The following FHIT variants were observed in gnomAD, a reference collection of about 807,000 sequenced individuals.
The protein encoded by FHIT is fragile histidine triad diadenosine triphosphatase, also known as bis(5'-adenosyl)-triphosphatase.
In FHIT, 19 loss-of-function variants were observed where a neutral mutation model predicts 17.9. The ratio of observed to expected loss-of-function variants is 1.06; its 90% CI spans 0.74 to 1.56. The LOEUF (loss-of-function observed/expected upper bound fraction) is 1.56, where lower values mean the gene tolerates loss of function less well. Ranked by LOEUF, FHIT falls within the 40% of genes most tolerant of loss-of-function variation. The pLI is 0.00. For missense variants in FHIT, 248 were observed against 189.2 expected, an observed-to-expected ratio of 1.31 and a Z score of -1.82; for synonymous variants, 81 against 69.7, an observed-to-expected ratio of 1.16 and a Z score of -0.81.
chr3:60,405,020 G>C (rs979881182), intron 5 of FHIT, among the ~76,000 whole-genome samples: 1 of 152,124 alleles, frequency 6.6e-6, no homozygotes, highest in Non-Finnish European at 1.5e-5. Context: ...TTCTCAAACT[G>C]GTGATTTTGT....
intron 1 of FHIT, among the ~76,000 whole-genome samples, chr3:61,240,217 T>C (rs2040340879): frequency 1.3e-5 from 2 of 152,278 alleles, no homozygotes; most frequent in South Asian, 4.1e-4. Flanking sequence ...ACCCAGCAAA[T>C]GGGATTTCAA....
chr3:60,702,356 T>C (rs879974390), intron 4 of FHIT, among the ~76,000 whole-genome samples: 4 of 152,272 alleles, frequency 2.6e-5, no homozygotes, highest in Middle Eastern at 3.4e-3. Flanking sequence ...TATTAACATA[T>C]CTATTTTATA....
At chr3:60,518,921 T>A (rs1457868809) in intron 5 of FHIT, among the ~76,000 whole-genome samples, 1 of 152,210 alleles carries the variant, frequency 6.6e-6, no homozygotes, top group Admixed American at 6.5e-5. Context: ...GAGAATTGCT[T>A]GAACCCAGGA....
intron 5 of FHIT, among the ~76,000 whole-genome samples, chr3:60,049,214 T>A (rs915909067): frequency 3.9e-5 from 6 of 152,208 alleles, no homozygotes; most frequent in Non-Finnish European, 7.3e-5. Flanking sequence ...CAAATTATGT[T>A]CTTCTTCTAT....
At chr3:59,929,927 A>G (rs1312601387) in intron 7 of FHIT, among the ~76,000 whole-genome samples, 4 of 151,342 alleles carry the variant, frequency 2.6e-5, no homozygotes, top group Non-Finnish European at 5.9e-5. Context: ...GAGTGCAAGT[A>G]GTTTATTTGG....
intron 8 of FHIT, among the ~76,000 whole-genome samples, chr3:59,776,486 C>T (rs1015622987): frequency 6.6e-6 from 1 of 152,134 alleles, no homozygotes. Flanking sequence ...AAGTAAGGGC[C>T]TGACTGGCTC....
chr3:60,215,582 A>C (rs767222707), intron 5 of FHIT, among the ~76,000 whole-genome samples: 16 of 152,146 alleles, frequency 1.1e-4, no homozygotes, highest in Non-Finnish European at 2.2e-4. Context: ...AATAAAATAA[A>C]ATAAAATGGC....
intron 8 of FHIT, among the ~76,000 whole-genome samples, chr3:59,774,893 T>C (rs189054641): frequency 1.8e-3 from 275 of 152,342 alleles, no homozygotes; most frequent in Non-Finnish European, 3.1e-3. Context: ...TTAACTTCTC[T>C]TGATACACCA....
chr3:60,006,137 G>A (rs802777), intron 7 of FHIT, among the ~76,000 whole-genome samples: 17,903 of 152,176 alleles, frequency 0.12, 1,391 homozygotes, highest in African/African-American at 0.22. Context: ...CGACTTACTC[G>A]TGATCATCTG....
intron 3 of FHIT, among the ~76,000 whole-genome samples, chr3:60,912,431 T>A (rs1292500345): frequency 6.6e-6 from 1 of 152,122 alleles, no homozygotes; most frequent in East Asian, 1.9e-4. Context: ...GGGGTTATTA[T>A]AGGGATTAAG....
intron 3 of FHIT, among the ~76,000 whole-genome samples, chr3:60,968,597 G>C (rs992215822): frequency 6.6e-6 from 1 of 152,078 alleles, no homozygotes; most frequent in Non-Finnish European, 1.5e-5. Context: ...ATTTTTATTA[G>C]AGACAGGATT....
chr3:59,847,076 A>T (rs1166150041), intron 8 of FHIT, among the ~76,000 whole-genome samples: 1 of 152,102 alleles, frequency 6.6e-6, no homozygotes, highest in African/African-American at 2.4e-5. Context: ...GGCTCACCCT[A>T]TTTGTATTTT....
intron 4 of FHIT, among the ~76,000 whole-genome samples, chr3:60,800,204 T>C (rs1402563062): frequency 1.3e-5 from 2 of 152,236 alleles, no homozygotes; most frequent in African/African-American, 4.8e-5. Context: ...TTTCTTTCAC[T>C]AATTCAAACA....
At chr3:60,365,135 A>G (rs1013471640) in intron 5 of FHIT, among the ~76,000 whole-genome samples, 5 of 149,182 alleles carry the variant, frequency 3.4e-5, no homozygotes, top group Non-Finnish European at 5.9e-5. Flanking sequence ...ACTAAGACCT[A>G]TATATACAGT....
intron 5 of FHIT, among the ~76,000 whole-genome samples, chr3:60,256,748 T>C (rs946749382): frequency 2.0e-5 from 3 of 152,198 alleles, no homozygotes; most frequent in Non-Finnish European, 2.9e-5. Flanking sequence ...ATTCTAATCA[T>C]ACATTTCAGT....
chr3:60,233,550 C>T (rs528844013), intron 5 of FHIT, among the ~76,000 whole-genome samples: 2 of 152,244 alleles, frequency 1.3e-5, no homozygotes, highest in South Asian at 4.1e-4. Context: ...CCCCTCTGCA[C>T]CCTTACCACT....
At chr3:60,357,881 C>T (rs1021974304) in intron 5 of FHIT, among the ~76,000 whole-genome samples, 1 of 152,166 alleles carries the variant, frequency 6.6e-6, no homozygotes, top group Admixed American at 6.5e-5. Flanking sequence ...CATCCTTCTC[C>T]ATCATACTGG....
chr3:60,222,811 G>T (rs1375218898), intron 5 of FHIT, among the ~76,000 whole-genome samples: 1 of 152,148 alleles, frequency 6.6e-6, no homozygotes, highest in Non-Finnish European at 1.5e-5. Flanking sequence ...TGAGGCAGGA[G>T]AACTGCTTGA....
intron 2 of FHIT, among the ~76,000 whole-genome samples, chr3:61,109,827 G>A (rs1394217475): frequency 6.6e-6 from 1 of 152,120 alleles, no homozygotes; most frequent in Non-Finnish European, 1.5e-5. Flanking sequence ...TCTTCTTCTA[G>A]TTGTTCAGGC....
Sources: allele counts gnomAD v4.1 joint callset (sites outside exome capture counted in the v4.1 genomes callset), GRCh38; gene constraint gnomAD v4.1.1; transcripts MANE v1.5; gene names NCBI Gene and HGNC (gene_info 2026-07-23, HGNC 2026-07-21).